SLC25A33: variants seen among roughly 807,000 people sequenced by gnomAD.
SLC25A33 encodes the protein bone marrow stromal cell mitochondrial carrier protein.
Under a neutral mutation model 35.5 loss-of-function variants are expected in SLC25A33, and 15 were observed. The ratio of observed to expected loss-of-function variants is 0.42; its 90% CI spans 0.28 to 0.65. The LOEUF is 0.65. Ranked by LOEUF, SLC25A33 falls within the 30% of genes least tolerant of loss-of-function variation. SLC25A33 has a pLI of 0.20. For synonymous variants in SLC25A33, 136 were observed against 148.7 expected, an observed-to-expected ratio of 0.91 and a Z score of 0.62; for missense variants, 257 against 398.5, an observed-to-expected ratio of 0.64 and a Z score of 3.02.
rs1273424611 is a variant in SLC25A33 at position 9,583,671 on chromosome 1, C to T, written c.*1170C>T. The T allele has an allele frequency of 6.6e-6, 1 of 151,728 alleles. No homozygotes were observed. Among genetic ancestry groups the T allele is most frequent in the African/African-American group, 2.4e-5 (1 of 41,274 alleles). The allele number at this position is 151,728 out of a possible 1,614,324, so 9.4% of individuals were successfully genotyped here. A position where few individuals can be genotyped will look rare whatever the true frequency, so the allele number is the denominator to read the frequency against. On this transcript the variant is annotated 3_prime_UTR_variant, in exon 7 of 7. Transcript: ENST00000302692. ...TATGGCTCACCCGTCAGAGAGCTCACATTCTGATAGAAAGCACTGGGATTG... is the reference window on the plus strand; with the variant it reads ...TATGGCTCACCCGTCAGAGAGCTCATATTCTGATAGAAAGCACTGGGATTG...
chr1:9,546,893 C>T (rs903052637), intron 1 of SLC25A33, among the ~76,000 whole-genome samples: 7 of 152,172 alleles, frequency 4.6e-5, no homozygotes, highest in African/African-American at 1.7e-4. Context: ...GCTGGCCCTG[C>T]ATAGCCACAG....
chr1:9,555,896 G>A (rs1455540231), intron 2 of SLC25A33, among the ~76,000 whole-genome samples: 2 of 152,290 alleles, frequency 1.3e-5, no homozygotes, highest in Admixed American at 1.3e-4. Context: ...TGTTGGCCAG[G>A]CTGGCCTTGA....
In SLC25A33 at chr1:9,569,519, C is replaced by G. The variant is rs558522486; in HGVS notation, c.315-739C>G. 1.3e-4 allele frequency among the ~76,000 whole-genome samples: 20 copies of G among 152,228 alleles called. 1 individual carries two copies. In the South Asian group the frequency reaches 3.9e-3, roughly 30 times the overall value. On this transcript the variant is annotated intron_variant, in intron 3 of 6. Transcript: ENST00000302692. ...TGATGCAGATTCCTGACTGCCTCACCCATTAGGGGAAATGGAAGACTTTTA... is the reference window on the plus strand; with the variant it reads ...TGATGCAGATTCCTGACTGCCTCACGCATTAGGGGAAATGGAAGACTTTTA...
intron 2 of SLC25A33, among the ~76,000 whole-genome samples, chr1:9,560,300 T>C (rs1197150144): frequency 6.7e-6 from 1 of 148,904 alleles, no homozygotes; most frequent in East Asian, 2.0e-4. Context: ...AATAACATGG[T>C]CATTCGTTTA....
intron 2 of SLC25A33, among the ~76,000 whole-genome samples, chr1:9,564,505 G>A (rs1055058418): frequency 1.4e-4 from 22 of 151,946 alleles, no homozygotes; most frequent in African/African-American, 4.1e-4. Context: ...TAGCCAAAAC[G>A]TGGAAGCAAC....
At chr1:9,570,436 A>G (rs1643573069) in intron 4 of SLC25A33, 78 bp downstream of exon 4, 2 of 1,219,248 alleles carry the variant, frequency 1.6e-6, no homozygotes, top group Non-Finnish European at 2.4e-6. Context: ...TTTTCCAGGA[A>G]TTAGAAATTA....
At chr1:9,546,720 A>C (rs554728282) in intron 1 of SLC25A33, among the ~76,000 whole-genome samples, 2 of 152,288 alleles carry the variant, frequency 1.3e-5, no homozygotes, top group African/African-American at 4.8e-5. Context: ...AGTTGCAAGT[A>C]ATAGAAGATT....
Position 9,582,362 on chromosome 1 carries a change from G to T in SLC25A33, c.827G>T (p.Arg276Leu). Residue 276 changes from arginine (R) to leucine (L), a missense_variant, in exon 7 of 7, where the codon CGC (arginine) becomes CTC (leucine). Arg to Leu is a moderately radical substitution (Grantham distance 102, BLOSUM62 -2). Transcript: ENST00000302692. The surrounding 1 kb of genome is among the most constrained non-coding windows in gnomAD (Gnocchi z 4.0). ...TKYKSFVQTA[R>L]LVFREEGYLA... ...TACAAGTCTTTTGTCCAGACGGCGCGCCTGGTGTTCCGGGAAGAAGGCTAC... is the reference window on the plus strand; with the variant it reads ...TACAAGTCTTTTGTCCAGACGGCGCTCCTGGTGTTCCGGGAAGAAGGCTAC... The T allele has an allele frequency of 6.2e-7, 1 of 1,613,992 alleles. No homozygotes were observed.
intron 1 of SLC25A33, among the ~76,000 whole-genome samples, chr1:9,549,385 A>T (rs1569845235): frequency 9.0e-6 from 1 of 110,918 alleles, no homozygotes; most frequent in East Asian, 3.2e-4. Context: ...TGGTGGGATC[A>T]ATGGGGGAGA....
At chr1:9,576,488 A>G (rs1375798319) in intron 5 of SLC25A33, 1 of 477,408 alleles carries the variant, frequency 2.1e-6, no homozygotes, top group Non-Finnish European at 4.1e-6. Context: ...ATTACCCTGA[A>G]GAGATGCACA....
At chr1:9,569,694 A>G (rs998004393) in intron 3 of SLC25A33, among the ~76,000 whole-genome samples, 1 of 152,144 alleles carries the variant, frequency 6.6e-6, no homozygotes, top group African/African-American at 2.4e-5. Context: ...CCCAGCCCCA[A>G]CAAGAGGGAA....
intron 2 of SLC25A33, among the ~76,000 whole-genome samples, chr1:9,563,251 A>G (rs939023630): frequency 3.3e-5 from 5 of 152,190 alleles, no homozygotes; most frequent in African/African-American, 1.2e-4. Flanking sequence ...ACAAAAGATC[A>G]TGCCATCTGT....
intron 4 of SLC25A33, among the ~76,000 whole-genome samples, chr1:9,571,974 T>A (rs912773502): frequency 6.6e-6 from 1 of 152,160 alleles, no homozygotes; most frequent in Non-Finnish European, 1.5e-5. Flanking sequence ...AAATTGGCAT[T>A]TTACGAAAAA....
At chr1:9,574,488 A>G (rs527655081) in intron 5 of SLC25A33, among the ~76,000 whole-genome samples, 1 of 152,368 alleles carries the variant, frequency 6.6e-6, no homozygotes, top group Admixed American at 6.5e-5. Flanking sequence ...AGTAACTACT[A>G]TAATTTCTAA....
intron 1 of SLC25A33, among the ~76,000 whole-genome samples, chr1:9,540,772 T>C (rs905755094): frequency 6.6e-6 from 1 of 152,174 alleles, no homozygotes; most frequent in Non-Finnish European, 1.5e-5. Flanking sequence ...CTGGATATGT[T>C]CCTTACAACA....
chr1:9,553,290 A>G (rs1160594292), intron 1 of SLC25A33, among the ~76,000 whole-genome samples: 2 of 132,050 alleles, frequency 1.5e-5, no homozygotes, highest in African/African-American at 5.9e-5. Flanking sequence ...GCAGTGGCAC[A>G]ATCGGCTCAC....
chr1:9,542,350 C>T (rs762182886), intron 1 of SLC25A33, among the ~76,000 whole-genome samples: 4 of 152,052 alleles, frequency 2.6e-5, no homozygotes, highest in East Asian at 3.9e-4. Flanking sequence ...ATTAGGGTGG[C>T]GCCTGAAGCC....
intron 1 of SLC25A33, among the ~76,000 whole-genome samples, chr1:9,541,066 C>G (rs1418170743): frequency 6.6e-6 from 1 of 152,034 alleles, no homozygotes; most frequent in East Asian, 1.9e-4. Context: ...ACTGCAACTT[C>G]CGCCTCCCGG....
chr1:9,573,537 A>C (rs1643619245), intron 5 of SLC25A33, 125 bp downstream of exon 5: 1 of 739,524 alleles, frequency 1.4e-6, no homozygotes, highest in South Asian at 1.8e-5. Flanking sequence ...TCCTTAATCT[A>C]AGTGCACGCA....
Sources: gnomAD v4.1 joint callset for allele counts (sites outside exome capture counted in the v4.1 genomes callset) on GRCh38, gnomAD v4.1.1 for gene constraint, Gnocchi (gnomAD v3.1) non-coding constraint, MANE v1.5 for transcripts, NCBI Gene and HGNC (gene_info 2026-07-23, HGNC 2026-07-21) for gene names.